SGCZ: variants seen among roughly 807,000 people sequenced by gnomAD.
SGCZ encodes sarcoglycan zeta.
In SGCZ, 40 loss-of-function variants were observed where a neutral mutation model predicts 41.3. That is an observed-to-expected ratio of 0.97 (90% CI 0.75 to 1.26). The LOEUF is 1.26. Ranked by LOEUF, SGCZ falls within the 50% of genes most tolerant of loss-of-function variation. The pLI, the probability that SGCZ is intolerant of heterozygous loss-of-function variation, is 0.00. For missense variants in SGCZ, 552 were observed against 369.8 expected (o/e 1.49, Z -4.04); for synonymous variants, 206 against 137.5 (o/e 1.50, Z -3.49).
At chr8:14,645,779 G>A (rs992959786) in intron 1 of SGCZ, among the ~76,000 whole-genome samples, 1 of 151,400 alleles carries the variant, frequency 6.6e-6, no homozygotes, top group African/African-American at 2.4e-5. Flanking sequence ...AATATCTGTT[G>A]ATTGATACAC....
At chr8:15,138,175 C>A (rs1808185295) in intron 1 of SGCZ, among the ~76,000 whole-genome samples, 1 of 152,146 alleles carries the variant, frequency 6.6e-6, no homozygotes. Context: ...CAGCCTGTAG[C>A]CCCTTGTTTT....
intron 1 of SGCZ, among the ~76,000 whole-genome samples, chr8:14,926,848 C>T (rs947884609): frequency 6.6e-6 from 1 of 151,946 alleles, no homozygotes; most frequent in Non-Finnish European, 1.5e-5. Flanking sequence ...ACCATGTTGT[C>T]CAGGAAGGTC....
rs117889073 is a variant in SGCZ, at chr8:14,836,692, G to A, written c.40-281766C>T. ...CTTTTAGTATTTTTAGTAGAGACAC[G>A]GTTTTACCGTGTTGGCCAGGCTGGT... is the stretch of plus-strand genomic sequence containing the variant. On this transcript the variant is annotated intron_variant, in intron 1 of 7. Transcript: ENST00000382080. Among the ~76,000 whole-genome samples, 767 of 152,188 alleles carry A rather than the reference G, an allele frequency of 5.0e-3. 4 individuals are homozygous for A. The highest frequency in any genetic ancestry group is 9.3e-3 in the Non-Finnish European group (633 of 68,008).
Position 14,151,018 on chromosome 8 carries a change from G to A in SGCZ, c.547+13562C>T, listed in dbSNP as rs192656897. 3.3e-5 allele frequency among the ~76,000 whole-genome samples: 5 copies of A among 152,216 alleles called. No homozygotes were observed. The East Asian group carries it at 7.7e-4, about 24-fold the overall frequency. On this transcript the variant is annotated intron_variant, in intron 5 of 7. Coordinates refer to ENST00000382080, the MANE Select transcript of SGCZ (RefSeq NM_139167.4). ...CATAGTAAAACGATGATTACCAGAC[G>A]CTGGGAATGGTAGTGGGGATGCGTC... is the stretch of plus-strand genomic sequence containing the variant.
intron 1 of SGCZ, among the ~76,000 whole-genome samples, chr8:14,614,672 A>G (rs1183133975): frequency 6.6e-6 from 1 of 152,088 alleles, no homozygotes; most frequent in Non-Finnish European, 1.5e-5. Context: ...GAGTTAGAAA[A>G]TTTTTTAAAA....
intron 2 of SGCZ, among the ~76,000 whole-genome samples, chr8:14,367,423 T>A (rs1039705035): frequency 8.5e-5 from 13 of 152,050 alleles, no homozygotes; most frequent in Admixed American, 6.6e-5. Context: ...TTTTGAGCTC[T>A]CTCTATAGCA....
chr8:14,285,968 T>C (rs1800608094), intron 3 of SGCZ, among the ~76,000 whole-genome samples: 1 of 152,134 alleles, frequency 6.6e-6, no homozygotes, highest in African/African-American at 2.4e-5. Flanking sequence ...TTTTGTATAA[T>C]AATGTATGTG....
At chr8:15,081,038 T>C (rs1195117081) in intron 1 of SGCZ, among the ~76,000 whole-genome samples, 1 of 152,114 alleles carries the variant, frequency 6.6e-6, no homozygotes, top group East Asian at 1.9e-4. Flanking sequence ...AACACCTTGA[T>C]CTTCGACCTC....
chr8:14,516,111 C>CTT (rs146073235), intron 2 of SGCZ, among the ~76,000 whole-genome samples: 29 of 148,400 alleles, frequency 2.0e-4, no homozygotes, highest in Admixed American at 9.4e-4. Context: ...TGAAACTTCT[C>CTT]TTTTTTTTTC....
chr8:14,622,081 T>C (rs1414696203), intron 1 of SGCZ, among the ~76,000 whole-genome samples: 2 of 152,008 alleles, frequency 1.3e-5, no homozygotes, highest in East Asian at 1.9e-4. Context: ...TCAGATAAGT[T>C]TGTATAGGTA....
intron 1 of SGCZ, among the ~76,000 whole-genome samples, chr8:15,050,115 A>C (rs975147345): frequency 3.3e-5 from 5 of 152,140 alleles, no homozygotes; most frequent in Non-Finnish European, 5.9e-5. Flanking sequence ...ACATATGATG[A>C]AATGAATAAG....
chr8:14,660,233 G>T (rs1188298872), intron 1 of SGCZ, among the ~76,000 whole-genome samples: 1 of 152,130 alleles, frequency 6.6e-6, no homozygotes, highest in Admixed American at 6.6e-5. Flanking sequence ...ACTGTTCGGT[G>T]TATGAAGAAA....
intron 2 of SGCZ, among the ~76,000 whole-genome samples, chr8:14,517,476 G>C (rs559459978): frequency 6.6e-6 from 1 of 152,016 alleles, no homozygotes; most frequent in Non-Finnish European, 1.5e-5. Context: ...TTGATCGTAA[G>C]GTAGAGTCAT....
intron 1 of SGCZ, among the ~76,000 whole-genome samples, chr8:14,971,884 G>A (rs747799883): frequency 9.2e-5 from 14 of 151,934 alleles, no homozygotes; most frequent in Non-Finnish European, 1.9e-4. Context: ...ACTTGGTCTC[G>A]TGATCACCCT....
chr8:14,735,831 T>A (rs1391241515), intron 1 of SGCZ, among the ~76,000 whole-genome samples: 1 of 152,130 alleles, frequency 6.6e-6, no homozygotes, highest in African/African-American at 2.4e-5. Context: ...TAGCTTGTGC[T>A]ATTAGGGAGG....
intron 3 of SGCZ, among the ~76,000 whole-genome samples, chr8:14,303,817 T>A (rs1190619865): frequency 1.3e-5 from 2 of 152,116 alleles, no homozygotes; most frequent in Non-Finnish European, 2.9e-5. Flanking sequence ...AGTGGCGCGA[T>A]CTCGGCTCAC....
chr8:15,219,718 G>A (rs1055522746), intron 1 of SGCZ, among the ~76,000 whole-genome samples: 1 of 152,174 alleles, frequency 6.6e-6, no homozygotes, highest in African/African-American at 2.4e-5. Context: ...ACTGAGGAGA[G>A]ATTTTGTGCC....
chr8:14,242,607 G>C (rs747497170), intron 3 of SGCZ, among the ~76,000 whole-genome samples: 1 of 152,082 alleles, frequency 6.6e-6, no homozygotes. Context: ...CTCTGTTGAC[G>C]GCAATGTGTG....
At chr8:14,617,669 G>A (rs1267082945) in intron 1 of SGCZ, among the ~76,000 whole-genome samples, 1 of 152,102 alleles carries the variant, frequency 6.6e-6, no homozygotes, top group African/African-American at 2.4e-5. Flanking sequence ...TTAGGGCAAT[G>A]GCTTTAGCTG....
Sources: gnomAD v4.1 joint callset for allele counts (sites outside exome capture counted in the v4.1 genomes callset) on GRCh38, gnomAD v4.1.1 for gene constraint, MANE v1.5 for transcripts, NCBI Gene and HGNC (gene_info 2026-07-23, HGNC 2026-07-21) for gene names.